Variants in PMPCB observed in about 807,000 individuals in gnomAD.
The protein encoded by PMPCB is peptidase, mitochondrial processing subunit beta.
In PMPCB, 46 loss-of-function variants were observed where a neutral mutation model predicts 61.5. The ratio of observed to expected loss-of-function variants is 0.75; its 90% confidence interval spans 0.59 to 0.96. The LOEUF is 0.96. PMPCB is among the 40% of genes least tolerant of loss of function. PMPCB has a pLI of 0.00. For missense variants in PMPCB, 590 were observed against 602.4 expected, an observed-to-expected ratio of 0.98 and a Z score of 0.22; for synonymous variants, 191 against 201.6, an observed-to-expected ratio of 0.95 and a Z score of 0.44.
At position 103,325,449 on chromosome 7, in the gene PMPCB, GA is replaced by G. The variant is rs35877928; in HGVS notation, c.*1432-3470del. On this transcript the variant is annotated intron_variant and NMD_transcript_variant, in intron 12 of 12. Coordinates refer to the PMPCB transcript ENST00000444457. ...AAGATACTGTCTCAAAATAAAAAAG[GA>G]AAAAAAAAAAACCAAAAAACAGGTG... Among the ~76,000 whole-genome samples the G allele has an allele frequency of 4.1e-3, 598 of 146,014 alleles. 4 individuals are homozygous for G. The highest frequency in any genetic ancestry group is 0.014 in the African/African-American group (573 of 39,586).
At chr7:103,346,496 G>A in the PMPCB span, among the ~76,000 whole-genome samples, 1 of 152,132 alleles carries the variant, frequency 6.6e-6, no homozygotes, top group African/African-American at 2.4e-5. Context: ...GATCTTCACC[G>A]TTTTTAAGTT....
chr7:103,322,352 G>T (rs531378430), intron 12 of PMPCB, among the ~76,000 whole-genome samples: 1 of 152,186 alleles, frequency 6.6e-6, no homozygotes, highest in South Asian at 2.1e-4. Flanking sequence ...TGGTAAGGAA[G>T]ATCTCTCAAT....
At chr7:103,320,467 C>G (rs2115847249) in intron 12 of PMPCB, among the ~76,000 whole-genome samples, 1 of 152,134 alleles carries the variant, frequency 6.6e-6, no homozygotes, top group Middle Eastern at 3.4e-3. Flanking sequence ...AATCATCTTA[C>G]CATTATCAAA....
rs1817853319 is a variant in PMPCB at position 103,313,173 on chromosome 7, T to TATTC, written c.*903_*906dup. 1 of 1,507,824 alleles carries TATTC rather than the reference T, an allele frequency of 6.6e-7. No homozygotes were observed. Among genetic ancestry groups the TATTC allele is most frequent in the African/African-American group, 1.4e-5 (1 of 71,020 alleles). The allele number at this position is 1,507,824 out of a possible 1,614,324, so 93.4% of individuals were successfully genotyped here. On this transcript the variant is annotated 3_prime_UTR_variant, in exon 13 of 13. Transcript: ENST00000249269. ...TCAGACAAGTCTTGTGGTCCACAAG[T>TATTC]ATTCGCTAAGTGCCCATTTCAATCT...
intron 9 of PMPCB, chr7:103,311,330 G>A (rs1391615912): frequency 9.2e-6 from 3 of 324,624 alleles, no homozygotes; most frequent in Non-Finnish European, 5.6e-6. Flanking sequence ...ATGACCCACT[G>A]ACTTAACCCA....
the PMPCB span, among the ~76,000 whole-genome samples, chr7:103,341,150 T>C: frequency 4.6e-5 from 7 of 152,230 alleles, no homozygotes; most frequent in African/African-American, 1.7e-4. Context: ...GTCACAGGTC[T>C]GCCTTAGTGC....
chr7:103,300,422 C>T (rs931788569), intron 4 of PMPCB, 115 bp downstream of exon 4: 4 of 774,688 alleles, frequency 5.2e-6, no homozygotes, highest in African/African-American at 3.6e-5. Flanking sequence ...TGTGAAAAAG[C>T]GAAACTGAAT....
chr7:103,307,722 TC>T lies in PMPCB; in HGVS notation c.849+16del. The T allele has an allele frequency of 7.1e-7, 1 of 1,408,396 alleles. No homozygotes were observed. Among genetic ancestry groups the T allele is most frequent in the Non-Finnish European group, 1.0e-6 (1 of 992,754 alleles). 87.2% of individuals were successfully genotyped at this position (1,408,396 alleles called of 1,614,324 possible). A position where few individuals can be genotyped will look rare whatever the true frequency, so the allele number is the denominator to read the frequency against. On this transcript the variant is annotated intron_variant, in intron 7 of 12. Transcript: ENST00000249269. The stretch of plus-strand genomic sequence containing the variant: ...ACAGGAAGTGAGGTAGGGCAAGCCT[TC>T]CAGCTAGTATTTAGCCTTTTGGATT...
downstream of PMPCB, among the ~76,000 whole-genome samples, chr7:103,333,794 C>T (rs1227631354): frequency 6.6e-6 from 1 of 152,104 alleles, no homozygotes; most frequent in Non-Finnish European, 1.5e-5. Context: ...TGAGATTCAT[C>T]CATGTTTTTC....
At chr7:103,332,227 G>A (rs565271369), downstream of PMPCB, among the ~76,000 whole-genome samples, 4 of 152,104 alleles carry the variant, frequency 2.6e-5, no homozygotes, top group East Asian at 5.8e-4. Flanking sequence ...GGATGGTCTC[G>A]ATCTCCTGAC....
intron 12 of PMPCB, among the ~76,000 whole-genome samples, chr7:103,325,248 A>G (rs1188287251): frequency 6.6e-6 from 1 of 152,212 alleles, no homozygotes; most frequent in Non-Finnish European, 1.5e-5. Context: ...GTTTGAGACC[A>G]GTCTGGCCAA....
the PMPCB span, chr7:103,344,936 T>C: frequency 1.8e-6 from 1 of 550,640 alleles, no homozygotes. Context: ...AAAAGGATTA[T>C]ATTCCACGTC....
intron 9 of PMPCB, 63 bp downstream of exon 9, chr7:103,310,538 AT>A: frequency 7.7e-7 from 1 of 1,295,528 alleles, no homozygotes; most frequent in Non-Finnish European, 1.1e-6. Flanking sequence ...CTAGTTTTTT[AT>A]TTATACTTTA....
chr7:103,344,655 G>C, the PMPCB span: 3 of 1,602,014 alleles, frequency 1.9e-6, 1 homozygote. Context: ...TGGGCGCAGC[G>C]GCTCACGTCC....
intron 4 of PMPCB, among the ~76,000 whole-genome samples, chr7:103,301,109 A>G (rs976615375): frequency 6.6e-6 from 1 of 152,220 alleles, no homozygotes. Flanking sequence ...TTTTGTGTAT[A>G]TATTATCCAT....
At chr7:103,342,821 G>A in the PMPCB span, among the ~76,000 whole-genome samples, 1 of 151,222 alleles carries the variant, frequency 6.6e-6, no homozygotes, top group Non-Finnish European at 1.5e-5. Context: ...TATTAGCCAG[G>A]ATGGTCTTGA....
chr7:103,339,145 C>T, the PMPCB span, among the ~76,000 whole-genome samples: 1 of 152,160 alleles, frequency 6.6e-6, no homozygotes, highest in Admixed American at 6.5e-5. Flanking sequence ...TCCTATGGAA[C>T]TTATGGCTAC....
intron 5 of PMPCB, 112 bp downstream of exon 5, chr7:103,304,152 T>G: frequency 1.2e-6 from 1 of 852,982 alleles, no homozygotes; most frequent in Non-Finnish European, 1.8e-6. Context: ...CCTGGTAATC[T>G]AAGTGAAACT....
intron 1 of PMPCB, chr7:103,297,951 G>T (rs987365447): frequency 1.6e-5 from 20 of 1,219,590 alleles, no homozygotes; most frequent in Non-Finnish European, 6.2e-6. Context: ...GGACATCAAT[G>T]AAGTAAAATT....
Sources: gnomAD v4.1 joint callset for allele counts (sites outside exome capture counted in the v4.1 genomes callset) on GRCh38, gnomAD v4.1.1 for gene constraint, MANE v1.5 for transcripts, NCBI Gene and HGNC (gene_info 2026-07-23, HGNC 2026-07-21) for gene names.